Variants in MEGF6 observed in about 807,000 individuals in gnomAD.
MEGF6 encodes the protein multiple epidermal growth factor-like domains protein 6.
Under a neutral mutation model 207.1 loss-of-function variants are expected in MEGF6, and 184 were observed. The observed-to-expected ratio is 0.89, with a 90% CI of 0.79 to 1.00. MEGF6 has a LOEUF of 1.00. Ranked by LOEUF, MEGF6 falls within the 50% of genes least tolerant of loss-of-function variation. MEGF6 has a pLI of 0.00. For missense variants in MEGF6, 2,282 were observed against 2,202.9 expected, an observed-to-expected ratio of 1.04 and a Z score of -0.72; for synonymous variants, 1,038 against 910.0, an observed-to-expected ratio of 1.14 and a Z score of -2.53.
rs7553399 is a variant in MEGF6 at position 3,499,885 on chromosome 1, C to A, written c.2747G>T (p.Arg916Leu). ...QGHFGPGCEQRCQCQHGAACD... is the reference protein window; with the variant it reads ...QGHFGPGCEQLCQCQHGAACD... ...GGCTGCTCCATGCTGACACTGGCAC[C>A]GCTGCTCACAGCCGGGCCCAAAGTG... The change falls in exon 22 of 37, where the codon CGG becomes CTG. Residue 916 changes from arginine (R) to leucine (L), a missense_variant. Physicochemically the swap from Arg to Leu is moderately radical, Grantham distance 102 (BLOSUM62 -2). Coordinates refer to ENST00000356575, the MANE Select transcript of MEGF6 (RefSeq NM_001409.4). The A allele has an allele frequency of 0.71, 1,108,770 of 1,560,204 alleles. 401,962 individuals carry two copies. The highest frequency in any genetic ancestry group is 0.79 in the Middle Eastern group (4,450 of 5,626).
intron 1 of MEGF6, among the ~76,000 whole-genome samples, chr1:3,606,203 C>T (rs1644247975): frequency 6.6e-6 from 1 of 152,196 alleles, no homozygotes; most frequent in Non-Finnish European, 1.5e-5. Flanking sequence ...GTGGGGTCCC[C>T]CGGCCAGGAC....
rs776017077 is a variant in MEGF6 at position 3,500,989 on chromosome 1, C to G, written c.2552G>C (p.Trp851Ser). 1 of 1,612,130 alleles carries G rather than the reference C, an allele frequency of 6.2e-7. No individual in the cohort carries two copies. The highest frequency in any genetic ancestry group is 1.7e-5 in the Admixed American group (1 of 60,014). ...ACCTCTCTGGCAGCTAAAGCCGGTC[C>G]ACCCGGGGGCACAGCTGCAGTGTCC... ...ATGHCSCAPG[W>S]TGFSCQRACD... The change falls in exon 20 of 37, where the codon TGG becomes TCG. Residue 851 changes from tryptophan to serine, a missense_variant. Trp to Ser is a radical substitution (Grantham distance 177). Coordinates refer to ENST00000356575, the MANE Select transcript of MEGF6 (RefSeq NM_001409.4).
chr1:3,538,516 C>T (rs1465404363), intron 4 of MEGF6, among the ~76,000 whole-genome samples: 2 of 152,198 alleles, frequency 1.3e-5, no homozygotes. Context: ...CTGGCTGGGG[C>T]CAGGCAGAAA....
chr1:3,570,562 C>T (rs947354), intron 4 of MEGF6, among the ~76,000 whole-genome samples: 22,521 of 152,262 alleles, frequency 0.15, 2,002 homozygotes, highest in African/African-American at 0.22. Flanking sequence ...AGGCATCTTC[C>T]GGCCCAGGTG....
intron 4 of MEGF6, among the ~76,000 whole-genome samples, chr1:3,535,197 G>C (rs1642288881): frequency 6.6e-6 from 1 of 152,146 alleles, no homozygotes; most frequent in Non-Finnish European, 1.5e-5. Flanking sequence ...CGGTGCCCGT[G>C]GGATCCAGGC....
At chr1:3,506,348 C>T (rs959301987) in intron 14 of MEGF6, 112 bp from the exon 15 acceptor site, 5 of 1,326,850 alleles carry the variant, frequency 3.8e-6, no homozygotes, top group Non-Finnish European at 5.1e-6. Flanking sequence ...GAGCTGGGAG[C>T]AGCCCCCGCC....
chr1:3,508,733 G>A (rs1053730170), intron 12 of MEGF6, 44 bp from the exon 13 acceptor site: 4 of 1,602,586 alleles, frequency 2.5e-6, no homozygotes, highest in Non-Finnish European at 2.6e-6. Context: ...CTGACCCCTG[G>A]CCTCAGCAGG....
At chr1:3,511,371 G>A (rs1267474404) in intron 9 of MEGF6, among the ~76,000 whole-genome samples, 179 bp downstream of exon 9, 1 of 152,186 alleles carries the variant, frequency 6.6e-6, no homozygotes, top group African/African-American at 2.4e-5. Context: ...GTCTTTCCCG[G>A]CCAGGATGCT....
intron 5 of MEGF6, among the ~76,000 whole-genome samples, chr1:3,520,667 G>A (rs942761506): frequency 5.9e-5 from 9 of 152,182 alleles, no homozygotes; most frequent in Non-Finnish European, 1.3e-4. Context: ...GCTGGGGAAC[G>A]GGGACCCACA....
intron 9 of MEGF6, among the ~76,000 whole-genome samples, 194 bp from the exon 10 acceptor site, chr1:3,511,096 C>T (rs949844131): frequency 2.0e-5 from 3 of 152,254 alleles, no homozygotes; most frequent in Non-Finnish European, 2.9e-5. Flanking sequence ...ATCACGCCCA[C>T]GCACATGCAC....
At chr1:3,603,273 G>A (rs765545912) in intron 1 of MEGF6, among the ~76,000 whole-genome samples, 6 of 151,556 alleles carry the variant, frequency 4.0e-5, no homozygotes, top group Admixed American at 6.6e-5. Flanking sequence ...CACCGGGCTC[G>A]GAGCAGGTGG....
At chr1:3,619,963 C>T in the MEGF6 span, among the ~76,000 whole-genome samples, 1,540 of 152,302 alleles carry the variant, frequency 0.01, 13 homozygotes, top group Middle Eastern at 0.027. Flanking sequence ...GATAGTGATA[C>T]GGACAATGTC....
intron 36 of MEGF6, 79 bp downstream of exon 36, chr1:3,490,833 T>C: frequency 1.3e-6 from 2 of 1,510,954 alleles, no homozygotes; most frequent in Non-Finnish European, 1.8e-6. Context: ...GGGGCCCAGA[T>C]TATACTTAAG....
intron 3 of MEGF6, among the ~76,000 whole-genome samples, chr1:3,591,147 C>T (rs1643970583): frequency 1.3e-5 from 2 of 152,208 alleles, no homozygotes; most frequent in South Asian, 2.1e-4. Context: ...CCAGCAGCCG[C>T]GCCCCGCCCT....
At chr1:3,562,810 C>T (rs1185135108) in intron 4 of MEGF6, among the ~76,000 whole-genome samples, 1 of 152,198 alleles carries the variant, frequency 6.6e-6, no homozygotes, top group Non-Finnish European at 1.5e-5. Flanking sequence ...CAGACCGCCC[C>T]GTCCAGCACT....
intron 13 of MEGF6, among the ~76,000 whole-genome samples, 164 bp downstream of exon 13, chr1:3,508,393 GT>G (rs1284933263): frequency 6.6e-6 from 1 of 152,240 alleles, no homozygotes; most frequent in African/African-American, 2.4e-5. Flanking sequence ...GTCAGGGGAT[GT>G]TTATCAAAGG....
Position 3,572,042 on chromosome 1 carries a change from G to A in MEGF6, c.481+7783C>T, listed in dbSNP as rs116648122. ...TGAGTGTGCTAGGTCCTTCCCGGGT[G>A]TGCTGGGTCTTTCCTGGGTGTGCTG... On this transcript the variant is annotated intron_variant, in intron 4 of 36. Transcript: ENST00000356575. Among the ~76,000 whole-genome samples the A allele has an allele frequency of 6.4e-3, 899 of 140,582 alleles. 11 individuals carry two copies. The highest frequency in any genetic ancestry group is 0.023 in the African/African-American group (845 of 37,306). 92.2% of individuals were successfully genotyped at this position (140,582 alleles called of 152,430 possible).
At position 3,575,657 on chromosome 1, in the gene MEGF6, AG is replaced by A. The variant is rs549759772; in HGVS notation, c.481+4167del. 7.5e-3 allele frequency among the ~76,000 whole-genome samples: 1,137 copies of A among 151,946 alleles called. 10 individuals are homozygous for A. Among genetic ancestry groups the A allele is most frequent in the Middle Eastern group, 0.014 (4 of 294 alleles). ...ATCTTACATGGATGGCAGCAGGCAA[AG>A]AGAGAGAGCTTGTGCGGGGAAACTC... On this transcript the variant is annotated intron_variant, in intron 4 of 36. Transcript: ENST00000356575.
intron 2 of MEGF6, among the ~76,000 whole-genome samples, chr1:3,601,953 C>T (rs1054538725): frequency 4.6e-5 from 7 of 152,230 alleles, no homozygotes; most frequent in Non-Finnish European, 7.3e-5. Context: ...CCACCTGACA[C>T]GGGGGCTGCC....
Sources: allele counts gnomAD v4.1 joint callset (sites outside exome capture counted in the v4.1 genomes callset), GRCh38; gene constraint gnomAD v4.1.1; transcripts MANE v1.5; gene names NCBI Gene and HGNC (gene_info 2026-07-23, HGNC 2026-07-21).